Variants in FRMD4A observed in about 807,000 individuals in gnomAD.
FRMD4A encodes the protein FERM domain containing 4A, also known as FERM domain-containing protein 4A.
A neutral mutation model predicts 129.1 loss-of-function variants in FRMD4A; 29 were observed. The ratio of observed to expected loss-of-function variants is 0.22; its 90% CI spans 0.17 to 0.31. FRMD4A has a LOEUF of 0.31. Among genes scored for constraint, FRMD4A ranks in the 10% least tolerant of loss-of-function variants. FRMD4A has a pLI of 1.00. For missense variants in FRMD4A, 1,272 were observed against 1,375.8 expected, an observed-to-expected ratio of 0.92 and a Z score of 1.19; for synonymous variants, 634 against 571.6, an observed-to-expected ratio of 1.11 and a Z score of -1.56.
chr10:13,834,204 C>T (rs1479066044), intron 3 of FRMD4A, among the ~76,000 whole-genome samples: 1 of 152,082 alleles, frequency 6.6e-6, no homozygotes, highest in East Asian at 1.9e-4. Context: ...GTGGAGGTTG[C>T]AGTGGGCTGA....
At chr10:13,898,179 C>T (rs2094779860) in intron 2 of FRMD4A, among the ~76,000 whole-genome samples, 2 of 151,998 alleles carry the variant, frequency 1.3e-5, no homozygotes, top group South Asian at 4.2e-4. Flanking sequence ...TTGAGACCAG[C>T]CTGGATAACA....
chr10:14,214,133 T>C (rs1311052325), intron 2 of FRMD4A, among the ~76,000 whole-genome samples: 2 of 152,250 alleles, frequency 1.3e-5, no homozygotes, highest in African/African-American at 2.4e-5. Context: ...GTGAGTCCGT[T>C]AAACCTCTTT....
chr10:14,299,473 C>A lies in FRMD4A; in HGVS notation c.45+30585G>T, dbSNP rs13328766. On this transcript the variant is annotated intron_variant, in intron 2 of 24. Coordinates refer to ENST00000357447, the MANE Select transcript of FRMD4A (RefSeq NM_018027.5). ...TTCACTTAATATTTATAAGGACCCA[C>A]ATAATGCAAGGATTGTTTTCACCCC... Among the ~76,000 whole-genome samples, 261 of 152,268 alleles carry A rather than the reference C, an allele frequency of 1.7e-3. 2 individuals carry two copies. Among genetic ancestry groups the A allele is most frequent in the African/African-American group, 6.0e-3 (249 of 41,552 alleles).
At chr10:14,242,061 T>C (rs967657397) in intron 2 of FRMD4A, among the ~76,000 whole-genome samples, 2 of 152,148 alleles carry the variant, frequency 1.3e-5, no homozygotes, top group African/African-American at 2.4e-5. Flanking sequence ...CCTAGCTCCA[T>C]ACTCACTACT....
intron 2 of FRMD4A, among the ~76,000 whole-genome samples, chr10:13,875,661 A>G (rs1414037666): frequency 1.3e-5 from 2 of 152,208 alleles, no homozygotes; most frequent in Non-Finnish European, 2.9e-5. Flanking sequence ...CAAGAAAATG[A>G]AAGAAATGGG....
chr10:14,209,952 G>T (rs1054576070), intron 2 of FRMD4A, among the ~76,000 whole-genome samples: 1 of 152,120 alleles, frequency 6.6e-6, no homozygotes, highest in African/African-American at 2.4e-5. Flanking sequence ...GCAGAGATTG[G>T]AGTGATGAGG....
chr10:14,096,092 G>A (rs1309565263), intron 2 of FRMD4A, among the ~76,000 whole-genome samples: 1 of 152,238 alleles, frequency 6.6e-6, no homozygotes, highest in African/African-American at 2.4e-5. Flanking sequence ...AAATTCATAT[G>A]TTGAAATCTA....
chr10:13,798,665 C>T (rs573753495), intron 4 of FRMD4A, among the ~76,000 whole-genome samples: 23 of 152,162 alleles, frequency 1.5e-4, no homozygotes, highest in African/African-American at 5.1e-4. Context: ...TGCAGTGAGC[C>T]GAGATGGCGC....
At chr10:13,934,367 T>C (rs1205619334) in intron 2 of FRMD4A, among the ~76,000 whole-genome samples, 1 of 152,202 alleles carries the variant, frequency 6.6e-6, no homozygotes, top group African/African-American at 2.4e-5. Flanking sequence ...CCTCCACAAA[T>C]GTCTACGGAT....
chr10:14,328,824 A>T (rs998555450), intron 2 of FRMD4A, among the ~76,000 whole-genome samples: 2 of 152,196 alleles, frequency 1.3e-5, no homozygotes, highest in Non-Finnish European at 2.9e-5. Flanking sequence ...TAGACGATGG[A>T]GGATAAAGTA....
intron 2 of FRMD4A, among the ~76,000 whole-genome samples, chr10:14,095,159 T>C (rs566535746): frequency 2.1e-4 from 32 of 152,300 alleles, no homozygotes; most frequent in African/African-American, 6.7e-4. Flanking sequence ...AAACCAATGA[T>C]TTTAATAACT....
At chr10:14,321,331 T>TTA (rs1843041531) in intron 2 of FRMD4A, among the ~76,000 whole-genome samples, 1 of 145,162 alleles carries the variant, frequency 6.9e-6, no homozygotes. Context: ...TATATATGAA[T>TTA]TATATATATG....
intron 2 of FRMD4A, among the ~76,000 whole-genome samples, chr10:14,006,642 C>A (rs2095663242): frequency 6.6e-6 from 1 of 152,112 alleles, no homozygotes; most frequent in African/African-American, 2.4e-5. Context: ...CTAAGGCACA[C>A]AATTCACACT....
At chr10:13,689,376 C>G (rs536267014) in intron 15 of FRMD4A, among the ~76,000 whole-genome samples, 2 of 151,908 alleles carry the variant, frequency 1.3e-5, no homozygotes, top group African/African-American at 4.8e-5. Context: ...TGAAAGATGA[C>G]AAGATGGATA....
intron 2 of FRMD4A, among the ~76,000 whole-genome samples, chr10:13,974,362 G>A (rs911349636): frequency 6.6e-6 from 1 of 152,056 alleles, no homozygotes; most frequent in Non-Finnish European, 1.5e-5. Flanking sequence ...TGCTTTAGTG[G>A]GGCTTGCTCT....
At chr10:13,887,671 A>C (rs1286580471) in intron 2 of FRMD4A, among the ~76,000 whole-genome samples, 1 of 152,116 alleles carries the variant, frequency 6.6e-6, no homozygotes, top group Non-Finnish European at 1.5e-5. Flanking sequence ...AAACAAAACA[A>C]AACCAAAACA....
At chr10:14,117,934 C>A (rs899643848) in intron 2 of FRMD4A, among the ~76,000 whole-genome samples, 1 of 152,060 alleles carries the variant, frequency 6.6e-6, no homozygotes, top group East Asian at 1.9e-4. Flanking sequence ...TAGAAAGTAC[C>A]CTCGTGCCTC....
chr10:14,014,312 A>G (rs963806622), intron 2 of FRMD4A, among the ~76,000 whole-genome samples: 6 of 152,244 alleles, frequency 3.9e-5, no homozygotes, highest in African/African-American at 1.4e-4. Context: ...ATTATTACAC[A>G]TTCTATGCAT....
chr10:14,221,009 T>A (rs1350425964), intron 2 of FRMD4A, among the ~76,000 whole-genome samples: 1 of 151,878 alleles, frequency 6.6e-6, no homozygotes, highest in Non-Finnish European at 1.5e-5. Flanking sequence ...TAGTCTGGAT[T>A]GAGGAGCAGG....
Sources: allele counts gnomAD v4.1 joint callset (sites outside exome capture counted in the v4.1 genomes callset), GRCh38; gene constraint gnomAD v4.1.1; transcripts MANE v1.5; gene names NCBI Gene and HGNC (gene_info 2026-07-23, HGNC 2026-07-21).